CRADD: variants seen among roughly 807,000 people sequenced by gnomAD.
The protein encoded by CRADD is death domain-containing protein CRADD.
CRADD carries 9 observed loss-of-function variants against 15.5 expected under a neutral mutation model. That is an observed-to-expected ratio of 0.58 (90% CI 0.35 to 1.01). The LOEUF (loss-of-function observed/expected upper bound fraction) is 1.01, where lower values mean the gene tolerates loss of function less well. Among genes scored for constraint, CRADD ranks in the 50% least tolerant of loss-of-function variants. CRADD has a pLI of 0.02. For missense variants in CRADD, 227 were observed against 250.3 expected (o/e 0.91, Z 0.63); for synonymous variants, 118 against 107.6 (o/e 1.10, Z -0.60).
intron 2 of CRADD, among the ~76,000 whole-genome samples, chr12:93,780,912 A>ATTT (rs58068881): frequency 4.3e-5 from 6 of 139,294 alleles, no homozygotes; most frequent in Admixed American, 7.1e-5. Flanking sequence ...ATGCCCAGCT[A>ATTT]TTTTTTTTTT....
intron 2 of CRADD, among the ~76,000 whole-genome samples, chr12:93,775,312 G>A (rs1592979615): frequency 6.6e-6 from 1 of 152,326 alleles, no homozygotes; most frequent in Middle Eastern, 3.4e-3. Context: ...TGTAGGGGCA[G>A]GGGTAAGATG....
At chr12:93,886,745 C>T (rs533281869) in intron 2 of CRADD, among the ~76,000 whole-genome samples, 27 of 152,264 alleles carry the variant, frequency 1.8e-4, no homozygotes, top group Non-Finnish European at 2.8e-4. Context: ...TAAAAGCTTT[C>T]GCAGCATGGG....
rs77198546 is a variant in CRADD, at chr12:93,758,468, C to A, written c.298+79396C>A. On this transcript the variant is annotated intron_variant, in intron 2 of 2. Transcript: ENST00000332896. ...ATTTTATTAATGGTTATTAATATAA[C>A]CATGACTTTTAAATTAATATTAATA... Among the ~76,000 whole-genome samples the A allele has an allele frequency of 2.2e-3, 330 of 151,874 alleles. 1 individual carries two copies. Among genetic ancestry groups the A allele is most frequent in the South Asian group, 0.012 (59 of 4,800 alleles).
At chr12:93,770,100 T>C (rs1027096798) in intron 2 of CRADD, among the ~76,000 whole-genome samples, 27 of 146,314 alleles carry the variant, frequency 1.8e-4, no homozygotes, top group African/African-American at 6.4e-4. Context: ...TGTTATCTTT[T>C]TTTTTTTTTT....
At chr12:93,893,641 C>T (rs1958592166) in intron 2 of CRADD, among the ~76,000 whole-genome samples, 1 of 152,198 alleles carries the variant, frequency 6.6e-6, no homozygotes, top group African/African-American at 2.4e-5. Context: ...CGCAGTGGCT[C>T]ATGCCTGTAA....
At chr12:93,735,513 T>G (rs1414074704) in intron 2 of CRADD, 1 of 152,244 alleles carries the variant, frequency 6.6e-6, no homozygotes, top group Admixed American at 6.5e-5. Context: ...TAGTGCCTGG[T>G]TCATCGTAGC....
chr12:93,879,519 C>A (rs1958480162), intron 2 of CRADD, among the ~76,000 whole-genome samples: 1 of 152,124 alleles, frequency 6.6e-6, no homozygotes, highest in Non-Finnish European at 1.5e-5. Context: ...CACGTCTGCC[C>A]CCTAAATGTG....
At chr12:93,807,257 G>T (rs1957549723) in intron 2 of CRADD, among the ~76,000 whole-genome samples, 1 of 152,120 alleles carries the variant, frequency 6.6e-6, no homozygotes, top group Admixed American at 6.6e-5. Context: ...AAGACTGCTG[G>T]AATAGATCAT....
chr12:93,765,885 G>A (rs957718998), intron 2 of CRADD, among the ~76,000 whole-genome samples: 1 of 151,816 alleles, frequency 6.6e-6, no homozygotes, highest in Non-Finnish European at 1.5e-5. Context: ...AGACTGTCAT[G>A]TATGATTTTA....
intron 2 of CRADD, among the ~76,000 whole-genome samples, chr12:93,711,717 C>T (rs1475227935): frequency 6.6e-6 from 1 of 151,560 alleles, no homozygotes; most frequent in Non-Finnish European, 1.5e-5. Context: ...AGCCTCAGCC[C>T]AGAGGACCTC....
rs145063640 is a variant in CRADD at position 93,822,992 on chromosome 12, A to T, written c.299-26978A>T. Reference sequence around the variant, plus strand: ...TGATTTATGCAAACAAAATATACTCATTTAAGAATATGCTCGCATTGGCCG... The same window carrying T: ...TGATTTATGCAAACAAAATATACTCTTTTAAGAATATGCTCGCATTGGCCG... On this transcript the variant is annotated intron_variant, in intron 2 of 2. Coordinates refer to ENST00000332896, the MANE Select transcript of CRADD (RefSeq NM_003805.5). Among the ~76,000 whole-genome samples the T allele has an allele frequency of 1.7e-4, 26 of 152,344 alleles. No homozygotes were observed. The East Asian group carries it at 3.7e-3, about 21-fold the overall frequency.
At chr12:93,692,319 T>C (rs1353540462) in intron 2 of CRADD, among the ~76,000 whole-genome samples, 1 of 152,114 alleles carries the variant, frequency 6.6e-6, no homozygotes, top group Non-Finnish European at 1.5e-5. Context: ...TAAAGAAATA[T>C]TAGCAGAAAA....
At chr12:93,704,271 A>G (rs7969094) in intron 2 of CRADD, among the ~76,000 whole-genome samples, 6,206 of 152,206 alleles carry the variant, frequency 0.041, 393 homozygotes, top group African/African-American at 0.14. Flanking sequence ...AGGCAGTTAA[A>G]CTTCTTTGGT....
At chr12:93,837,735 A>G (rs1390011779) in intron 2 of CRADD, 1 of 152,198 alleles carries the variant, frequency 6.6e-6, no homozygotes, top group African/African-American at 2.4e-5. Context: ...TAACAAAATC[A>G]CTTCTAAAAA....
At chr12:93,826,377 G>T (rs750414852) in intron 2 of CRADD, among the ~76,000 whole-genome samples, 21 of 152,196 alleles carry the variant, frequency 1.4e-4, no homozygotes, top group Non-Finnish European at 2.5e-4. Context: ...GGGAGAAGCA[G>T]CCAAGACTAG....
chr12:93,679,393 C>T (rs982293475), intron 2 of CRADD, among the ~76,000 whole-genome samples: 3 of 152,176 alleles, frequency 2.0e-5, no homozygotes, highest in African/African-American at 7.2e-5. Context: ...CCACCCACCT[C>T]CGCCTCCCAA....
chr12:93,867,640 C>T (rs1958381966), intron 2 of CRADD, among the ~76,000 whole-genome samples: 1 of 151,912 alleles, frequency 6.6e-6, no homozygotes, highest in African/African-American at 2.4e-5. Context: ...ATAAAACTGT[C>T]TATTTTAGAG....
intron 2 of CRADD, among the ~76,000 whole-genome samples, chr12:93,753,630 G>A (rs750936989): frequency 2.6e-5 from 4 of 152,190 alleles, no homozygotes; most frequent in Non-Finnish European, 5.9e-5. Context: ...GGGGCTACAG[G>A]CTCCATGCAA....
At chr12:93,734,201 A>G (rs148685143) in intron 2 of CRADD, among the ~76,000 whole-genome samples, 205 of 152,176 alleles carry the variant, frequency 1.3e-3, no homozygotes, top group African/African-American at 4.8e-3. Flanking sequence ...CCGTCCATCC[A>G]TCTTCTAGGT....
Sources: gnomAD v4.1 joint callset for allele counts (sites outside exome capture counted in the v4.1 genomes callset) on GRCh38, gnomAD v4.1.1 for gene constraint, MANE v1.5 for transcripts, NCBI Gene and HGNC (gene_info 2026-07-23, HGNC 2026-07-21) for gene names.